Variants in SND1 observed in about 807,000 individuals in gnomAD.
The protein encoded by SND1 is staphylococcal nuclease and tudor domain containing 1.
SND1 carries 38 observed loss-of-function variants against 121.7 expected under a neutral mutation model. The ratio of observed to expected loss-of-function variants is 0.31; its 90% CI spans 0.24 to 0.41. The LOEUF (loss-of-function observed/expected upper bound fraction) is 0.41. SND1 is among the 10% of genes least tolerant of loss of function. The pLI is 1.00. For synonymous variants in SND1, 401 were observed against 447.4 expected, an observed-to-expected ratio of 0.90 and a Z score of 1.31; for missense variants, 868 against 1,184.6, an observed-to-expected ratio of 0.73 and a Z score of 3.92.
intron 15 of SND1, among the ~76,000 whole-genome samples, chr7:127,989,902 T>C (rs999294565): frequency 6.6e-5 from 10 of 152,186 alleles, no homozygotes; most frequent in Non-Finnish European, 1.5e-4. Flanking sequence ...TAGTGGTAAA[T>C]ATACTTGCAA....
chr7:127,743,186 G>C (rs926238362), intron 10 of SND1, among the ~76,000 whole-genome samples: 9 of 152,230 alleles, frequency 5.9e-5, no homozygotes, highest in African/African-American at 1.9e-4. Context: ...CCTGTTACAA[G>C]GGATGGAACT....
intron 15 of SND1, among the ~76,000 whole-genome samples, chr7:127,983,383 G>T (rs1393126064): frequency 6.6e-6 from 1 of 152,152 alleles, no homozygotes; most frequent in Non-Finnish European, 1.5e-5. Flanking sequence ...GCAGTCTATA[G>T]AAAGGAGAGG....
At chr7:127,665,712 C>T (rs1795404059) in intron 1 of SND1, among the ~76,000 whole-genome samples, 1 of 152,080 alleles carries the variant, frequency 6.6e-6, no homozygotes, top group Non-Finnish European at 1.5e-5. Flanking sequence ...TTTCCAGTCT[C>T]TGAAATAACT....
chr7:128,030,437 C>G (rs1336501069), intron 16 of SND1: 1 of 1,613,878 alleles, frequency 6.2e-7, no homozygotes, highest in Non-Finnish European at 8.5e-7. Context: ...CCTGCGGGAC[C>G]TCGGAGAGGC....
intron 10 of SND1, among the ~76,000 whole-genome samples, chr7:127,725,515 A>G (rs1796567124): frequency 1.3e-5 from 2 of 152,230 alleles, no homozygotes; most frequent in Admixed American, 6.5e-5. Flanking sequence ...TCTCCAAGGA[A>G]AACATCAAGG....
intron 16 of SND1, among the ~76,000 whole-genome samples, chr7:128,072,372 T>C (rs1180958205): frequency 6.6e-6 from 1 of 152,174 alleles, no homozygotes; most frequent in Non-Finnish European, 1.5e-5. Flanking sequence ...ACTTGGCTAC[T>C]AAAATTGTGG....
chr7:127,871,300 T>C (rs1279910629), intron 12 of SND1, among the ~76,000 whole-genome samples: 2 of 152,218 alleles, frequency 1.3e-5, no homozygotes, highest in Non-Finnish European at 2.9e-5. Context: ...ACCATTAACA[T>C]AGTCATTTAT....
intron 14 of SND1, chr7:127,928,211 A>C (rs1180376715): frequency 6.6e-6 from 1 of 152,134 alleles, no homozygotes. Context: ...ATTCCGTTTT[A>C]TGTGTTTTTA....
At chr7:127,929,390 C>G (rs1430423884) in intron 15 of SND1, 61 bp downstream of exon 15, 3 of 1,549,840 alleles carry the variant, frequency 1.9e-6, no homozygotes, top group East Asian at 2.2e-5. Context: ...AACCACATAC[C>G]CTCCTTTCCC....
At chr7:127,707,684 C>A (rs979004591) in intron 9 of SND1, 37 bp downstream of exon 9, 4 of 1,505,402 alleles carry the variant, frequency 2.7e-6, no homozygotes, top group Admixed American at 1.7e-5. Context: ...GCATAGTGGA[C>A]ATTGCCAGGC....
intron 3 of SND1, among the ~76,000 whole-genome samples, chr7:127,698,440 C>A (rs1796045952): frequency 6.6e-6 from 1 of 152,156 alleles, no homozygotes; most frequent in Admixed American, 6.5e-5. Context: ...CAAGTGCTCT[C>A]CCCACTTTAG....
chr7:127,905,164 G>A (rs1000833497), intron 14 of SND1, among the ~76,000 whole-genome samples: 2 of 152,126 alleles, frequency 1.3e-5, no homozygotes, highest in African/African-American at 4.8e-5. Flanking sequence ...TGCTGTGAGT[G>A]GGAAGTCTTA....
intron 11 of SND1, among the ~76,000 whole-genome samples, chr7:127,810,542 T>C (rs1223172203): frequency 2.6e-5 from 4 of 152,252 alleles, no homozygotes. Flanking sequence ...AACTTTAACA[T>C]GTTTTCTGGT....
At chr7:127,703,516 A>T (rs1212838425) in intron 7 of SND1, among the ~76,000 whole-genome samples, 193 bp downstream of exon 7, 1 of 152,232 alleles carries the variant, frequency 6.6e-6, no homozygotes, top group South Asian at 2.1e-4. Context: ...GATTGAGACC[A>T]TCCTGGCCAA....
At chr7:127,697,972 T>G (rs922378415) in intron 3 of SND1, among the ~76,000 whole-genome samples, 3 of 152,222 alleles carry the variant, frequency 2.0e-5, no homozygotes, top group Non-Finnish European at 4.4e-5. Context: ...GATGTCTTCC[T>G]TTATGGTTTT....
At chr7:127,909,022 C>T (rs758327480) in intron 14 of SND1, among the ~76,000 whole-genome samples, 1 of 152,168 alleles carries the variant, frequency 6.6e-6, no homozygotes, top group African/African-American at 2.4e-5. Context: ...ACCTTTACCT[C>T]CACTTCTCCA....
chr7:127,686,540 C>T (rs1373993617), intron 1 of SND1, 73 bp from the exon 2 acceptor site: 39 of 1,485,078 alleles, frequency 2.6e-5, no homozygotes, highest in Non-Finnish European at 3.3e-5. Flanking sequence ...GTTGGGGATA[C>T]GGTGGTACAC....
intron 16 of SND1, among the ~76,000 whole-genome samples, chr7:128,011,480 C>T (rs1161920915): frequency 3.3e-5 from 5 of 152,190 alleles, no homozygotes; most frequent in Non-Finnish European, 7.3e-5. Context: ...TGGCATGTCA[C>T]GTTTTCCTTG....
intron 10 of SND1, among the ~76,000 whole-genome samples, chr7:127,785,815 A>G (rs1308426531): frequency 2.0e-5 from 3 of 152,194 alleles, no homozygotes; most frequent in Admixed American, 1.3e-4. Flanking sequence ...AAATTTTTCT[A>G]TTACCTGATT....
Sources: allele counts gnomAD v4.1 joint callset (sites outside exome capture counted in the v4.1 genomes callset), GRCh38; gene constraint gnomAD v4.1.1; transcripts MANE v1.5; gene names NCBI Gene and HGNC (gene_info 2026-07-23, HGNC 2026-07-21).